Variants in BMERB1 observed in about 807,000 individuals in gnomAD.
The protein encoded by BMERB1 is bMERB domain-containing protein 1.
Under a neutral mutation model 23.6 loss-of-function variants are expected in BMERB1, and 12 were observed. The ratio of observed to expected loss-of-function variants is 0.51; its 90% CI spans 0.33 to 0.82. The LOEUF is 0.82. BMERB1 is among the 40% of genes least tolerant of loss of function. The pLI, the probability that BMERB1 is intolerant of heterozygous loss-of-function variation, is 0.03. For synonymous variants in BMERB1, 122 were observed against 96.6 expected (o/e 1.26, Z -1.54); for missense variants, 247 against 255.4 (o/e 0.97, Z 0.22).
At chr16:15,586,050 A>C (rs1006302686) in intron 5 of BMERB1, among the ~76,000 whole-genome samples, 1 of 152,228 alleles carries the variant, frequency 6.6e-6, no homozygotes, top group Non-Finnish European at 1.5e-5. Context: ...GACATGCAAA[A>C]AACTGGCCTT....
chr16:15,448,084 T>G, intron 1 of BMERB1: 1 of 359,400 alleles, frequency 2.8e-6, no homozygotes. Context: ...GAGATGGGGT[T>G]TCACCCTGTT....
At chr16:15,471,517 T>G (rs2051228689) in intron 1 of BMERB1, among the ~76,000 whole-genome samples, 1 of 152,210 alleles carries the variant, frequency 6.6e-6, no homozygotes, top group South Asian at 2.1e-4. Flanking sequence ...GTTTGCAGTA[T>G]TCCCTTGTTA....
intron 1 of BMERB1, 111 bp downstream of exon 1, chr16:15,434,870 C>T (rs1216712432): frequency 1.0e-5 from 9 of 901,734 alleles, no homozygotes; most frequent in Non-Finnish European, 1.5e-5. Context: ...GGGAAGCGCC[C>T]CCGCAGCGGG....
At chr16:15,545,647 C>T (rs1598510001) in intron 2 of BMERB1, among the ~76,000 whole-genome samples, 1 of 152,236 alleles carries the variant, frequency 6.6e-6, no homozygotes, top group East Asian at 1.9e-4. Context: ...ACCAATCTGG[C>T]CAGGAAGCCG....
chr16:15,461,671 C>G (rs543091632), intron 1 of BMERB1, among the ~76,000 whole-genome samples: 1 of 152,082 alleles, frequency 6.6e-6, no homozygotes, highest in Admixed American at 6.6e-5. Flanking sequence ...GCCTGTAATC[C>G]CAGCAGTTTG....
chr16:15,470,671 A>T (rs2051221409), intron 1 of BMERB1, among the ~76,000 whole-genome samples: 1 of 151,038 alleles, frequency 6.6e-6, no homozygotes, highest in Non-Finnish European at 1.5e-5. Context: ...GATTACAGGC[A>T]CATGCCACCA....
chr16:15,555,211 A>C (rs971945303), intron 2 of BMERB1, among the ~76,000 whole-genome samples: 10 of 152,060 alleles, frequency 6.6e-5, no homozygotes, highest in African/African-American at 2.4e-4. Context: ...TGGTAGCTGG[A>C]ACCACAGGTA....
At chr16:15,563,776 G>A (rs1277715811) in intron 2 of BMERB1, among the ~76,000 whole-genome samples, 6 of 152,090 alleles carry the variant, frequency 3.9e-5, no homozygotes, top group South Asian at 4.2e-4. Flanking sequence ...CAAGGGAGAC[G>A]TCCACCCCCA....
intron 1 of BMERB1, among the ~76,000 whole-genome samples, chr16:15,465,597 C>T (rs933622771): frequency 1.3e-5 from 2 of 152,124 alleles, no homozygotes; most frequent in Non-Finnish European, 2.9e-5. Context: ...AGGTGATCCG[C>T]CTGCCTTGGC....
At chr16:15,453,159 G>A (rs2051056317) in intron 1 of BMERB1, among the ~76,000 whole-genome samples, 1 of 152,178 alleles carries the variant, frequency 6.6e-6, no homozygotes, top group African/African-American at 2.4e-5. Context: ...GCAACAGCAC[G>A]AGACTCTGTC....
At chr16:15,466,690 A>G (rs982919761) in intron 1 of BMERB1, among the ~76,000 whole-genome samples, 2 of 149,234 alleles carry the variant, frequency 1.3e-5, no homozygotes, top group African/African-American at 4.9e-5. Context: ...CATTCATCCT[A>G]TTCAGATTTC....
chr16:15,513,725 C>T (rs2051705504), intron 1 of BMERB1, among the ~76,000 whole-genome samples: 1 of 151,942 alleles, frequency 6.6e-6, no homozygotes, highest in Non-Finnish European at 1.5e-5. Flanking sequence ...GAAACCCCAT[C>T]TCAACGAAAA....
At chr16:15,504,634 G>T (rs2051565387) in intron 1 of BMERB1, among the ~76,000 whole-genome samples, 1 of 151,742 alleles carries the variant, frequency 6.6e-6, no homozygotes, top group South Asian at 2.1e-4. Flanking sequence ...TTTTATTTTT[G>T]TAGAGATGGG....
intron 2 of BMERB1, among the ~76,000 whole-genome samples, chr16:15,564,419 T>C (rs891427865): frequency 6.6e-6 from 1 of 152,186 alleles, no homozygotes; most frequent in African/African-American, 2.4e-5. Context: ...CCGAGCTAAA[T>C]AAGAGATAAT....
intron 1 of BMERB1, among the ~76,000 whole-genome samples, chr16:15,467,263 C>T (rs756254582): frequency 1.1e-4 from 16 of 152,152 alleles, no homozygotes; most frequent in Non-Finnish European, 2.2e-4. Flanking sequence ...TAAGAAATTG[C>T]CAAACTATTT....
At chr16:15,470,347 C>A (rs1009660848) in intron 1 of BMERB1, among the ~76,000 whole-genome samples, 2 of 151,990 alleles carry the variant, frequency 1.3e-5, no homozygotes, top group African/African-American at 4.8e-5. Flanking sequence ...TAATTCTTTT[C>A]ATCCATCATT....
intron 2 of BMERB1, among the ~76,000 whole-genome samples, chr16:15,519,131 T>G: frequency 7.4e-6 from 1 of 135,818 alleles, no homozygotes; most frequent in African/African-American, 2.7e-5. Context: ...TGGCACAGAG[T>G]AGGAGAGAAA....
chr16:15,587,465 C>A lies in BMERB1; in HGVS notation c.*636C>A. On this transcript the variant is annotated 3_prime_UTR_variant, in exon 6 of 6. Transcript: ENST00000300006. ...CCCCATCCTGTGTCTGGGCACAGTT[C>A]ACATCAGGACAGCGTCCATTGTGCT... 2.7e-6 allele frequency: 1 copy of A among 377,088 alleles called. No homozygotes were observed. The highest frequency in any genetic ancestry group is 1.8e-5 in the South Asian group (1 of 54,200). The allele number at this position is 377,088 out of a possible 1,614,324, so 23.4% of individuals were successfully genotyped here. A position where few individuals can be genotyped will look rare whatever the true frequency, so the allele number is the denominator to read the frequency against.
At chr16:15,519,074 TACACACACACACAC>T (rs145892599) in intron 2 of BMERB1, among the ~76,000 whole-genome samples, 2,549 of 140,592 alleles carry the variant, frequency 0.018, 79 homozygotes, top group African/African-American at 0.069. Context: ...ACAATCCTCT[TACACACACACACAC>T]ACACACACAC....
Sources: allele counts gnomAD v4.1 joint callset (sites outside exome capture counted in the v4.1 genomes callset), GRCh38; gene constraint gnomAD v4.1.1; transcripts MANE v1.5; gene names NCBI Gene and HGNC (gene_info 2026-07-23, HGNC 2026-07-21).